The following ANXA10 variants were observed in gnomAD, a reference collection of about 807,000 sequenced individuals.
ANXA10 encodes annexin A10.
In ANXA10, 49 loss-of-function variants were observed where a neutral mutation model predicts 53.5. That is an observed-to-expected ratio of 0.92 (90% CI 0.73 to 1.16). The LOEUF (loss-of-function observed/expected upper bound fraction) is 1.16. ANXA10 is among the 50% of genes most tolerant of loss of function. The probability of loss-of-function intolerance (pLI) is 0.00; values close to 1 mark genes in which losing one functional copy is unlikely to be tolerated. For missense variants in ANXA10, 393 were observed against 394.4 expected, an observed-to-expected ratio of 1.00 and a Z score of 0.03; for synonymous variants, 131 against 128.9, an observed-to-expected ratio of 1.02 and a Z score of -0.11.
intron 6 of ANXA10, among the ~76,000 whole-genome samples, chr4:168,166,858 T>C (rs1731890742): frequency 6.6e-6 from 1 of 152,032 alleles, no homozygotes; most frequent in Non-Finnish European, 1.5e-5. Context: ...AAAAAAAGAA[T>C]ACATGAAAGC....
chr4:168,182,964 G>C (rs1262980121), intron 10 of ANXA10, among the ~76,000 whole-genome samples: 2 of 133,086 alleles, frequency 1.5e-5, no homozygotes, highest in Admixed American at 7.5e-5. Flanking sequence ...AGCCGAGATC[G>C]CGCCACTGCA....
intron 10 of ANXA10, among the ~76,000 whole-genome samples, chr4:168,183,191 C>T (rs969161297): frequency 1.3e-5 from 2 of 152,074 alleles, no homozygotes; most frequent in African/African-American, 4.8e-5. Context: ...TTAAAAGTAG[C>T]CAGCATGCTG....
chr4:168,129,490 T>C (rs1731125049), intron 2 of ANXA10, among the ~76,000 whole-genome samples: 1 of 152,132 alleles, frequency 6.6e-6, no homozygotes, highest in African/African-American at 2.4e-5. Context: ...ATTTTGACCA[T>C]CATAATTTGT....
chr4:168,146,272 A>G (rs988020819), intron 3 of ANXA10, among the ~76,000 whole-genome samples: 3 of 152,180 alleles, frequency 2.0e-5, no homozygotes, highest in East Asian at 1.9e-4. Context: ...AAAGCCAAAA[A>G]CATGGCACAG....
intron 1 of ANXA10, among the ~76,000 whole-genome samples, chr4:168,125,961 C>T (rs1731061624): frequency 6.6e-6 from 1 of 152,094 alleles, no homozygotes; most frequent in South Asian, 2.1e-4. Context: ...ACAGTTATTA[C>T]AATTTATTTT....
At chr4:168,182,898 T>C (rs1732283116) in intron 10 of ANXA10, among the ~76,000 whole-genome samples, 2 of 148,916 alleles carry the variant, frequency 1.3e-5, no homozygotes, top group South Asian at 4.2e-4. Context: ...TAGTTCCAGC[T>C]ACTCGGGAGG....
At chr4:168,131,669 T>G (rs143835830) in intron 2 of ANXA10, among the ~76,000 whole-genome samples, 238 of 152,148 alleles carry the variant, frequency 1.6e-3, no homozygotes, top group African/African-American at 5.2e-3. Flanking sequence ...CTTTTGGCAC[T>G]CTGTTGTTTG....
At chr4:168,177,374 TTTTGCTCTAACAATG>T (rs1401652146) in intron 6 of ANXA10, among the ~76,000 whole-genome samples, 1 of 152,178 alleles carries the variant, frequency 6.6e-6, no homozygotes, top group Admixed American at 6.5e-5. Context: ...TTCTCTGCAT[TTTTGCTCTAACAATG>T]TTAACACTCA....
At position 168,167,328 on chromosome 4, in the gene ANXA10, T is replaced by A. The variant is rs566011579; in HGVS notation, c.480+2002T>A. 6.6e-5 allele frequency among the ~76,000 whole-genome samples: 10 copies of A among 152,294 alleles called. No individual in the cohort carries two copies. The South Asian group carries it at 2.1e-3, about 32-fold the overall frequency. ...ACATAATAGTTGATATTCCATAAAT[T>A]ATGTGAGATATGTAACACACTTTAT... On this transcript the variant is annotated intron_variant, in intron 6 of 11. Transcript: ENST00000359299.
chr4:168,142,967 C>T (rs1453341076), intron 3 of ANXA10, among the ~76,000 whole-genome samples: 1 of 152,138 alleles, frequency 6.6e-6, no homozygotes, highest in Non-Finnish European at 1.5e-5. Flanking sequence ...AGAGCCCAGC[C>T]CAGGTCTGGC....
intron 6 of ANXA10, among the ~76,000 whole-genome samples, chr4:168,170,028 A>T (rs1201096375): frequency 1.2e-4 from 18 of 152,232 alleles, no homozygotes; most frequent in Admixed American, 1.2e-3. Flanking sequence ...GTAATAGGGC[A>T]ATCAATTTTA....
At chr4:168,141,424 C>G (rs1731323114) in intron 3 of ANXA10, among the ~76,000 whole-genome samples, 1 of 152,230 alleles carries the variant, frequency 6.6e-6, no homozygotes. Flanking sequence ...CTGTCTACCC[C>G]TAGTCCCTTC....
intron 2 of ANXA10, among the ~76,000 whole-genome samples, chr4:168,135,660 C>T (rs1378078827): frequency 6.6e-6 from 1 of 152,174 alleles, no homozygotes; most frequent in African/African-American, 2.4e-5. Context: ...AGACCAGAAA[C>T]AGTCTATATT....
At chr4:168,121,214 A>G (rs1048973898) in intron 1 of ANXA10, among the ~76,000 whole-genome samples, 2 of 151,884 alleles carry the variant, frequency 1.3e-5, no homozygotes, top group African/African-American at 4.8e-5. Flanking sequence ...ATACTCACCA[A>G]AAAACACACA....
In ANXA10 at chr4:168,170,798, A is replaced by T. The variant is rs574856285; in HGVS notation, c.480+5472A>T. Among the ~76,000 whole-genome samples, 5 of 152,256 alleles carry T rather than the reference A, an allele frequency of 3.3e-5. No homozygotes were observed. The South Asian group carries it at 1.0e-3, about 32-fold the overall frequency. ...CAGTACATTTTCCTTAAAATATAAAATACACAAAAATACAATAATACATAT... is the reference window on the plus strand; with the variant it reads ...CAGTACATTTTCCTTAAAATATAAATTACACAAAAATACAATAATACATAT... On this transcript the variant is annotated intron_variant, in intron 6 of 11. Transcript: ENST00000359299.
At chr4:168,112,465 G>GACAA (rs1441726055) in intron 1 of ANXA10, among the ~76,000 whole-genome samples, 34 of 152,194 alleles carry the variant, frequency 2.2e-4, no homozygotes, top group African/African-American at 8.2e-4. Flanking sequence ...TCTTTTGGTT[G>GACAA]CTATTAAAAT....
At chr4:168,110,011 C>A (rs1730778711) in intron 1 of ANXA10, among the ~76,000 whole-genome samples, 1 of 152,084 alleles carries the variant, frequency 6.6e-6, no homozygotes, top group Admixed American at 6.6e-5. Flanking sequence ...GAGATCGAGA[C>A]CATCCTGGCG....
chr4:168,101,953 A>T (rs962444160), intron 1 of ANXA10, among the ~76,000 whole-genome samples: 1 of 152,146 alleles, frequency 6.6e-6, no homozygotes, highest in South Asian at 2.1e-4. Context: ...TCTTTCTCAG[A>T]CAGTGAAAAC....
At chr4:168,104,557 C>T (rs2149464966) in intron 1 of ANXA10, among the ~76,000 whole-genome samples, 1 of 151,928 alleles carries the variant, frequency 6.6e-6, no homozygotes, top group East Asian at 1.9e-4. Flanking sequence ...AATACAAATT[C>T]AATTTTCTCA....
Sources: allele counts gnomAD v4.1 joint callset (sites outside exome capture counted in the v4.1 genomes callset), GRCh38; gene constraint gnomAD v4.1.1; transcripts MANE v1.5; gene names NCBI Gene and HGNC (gene_info 2026-07-23, HGNC 2026-07-21).